DOCK9: variants seen among roughly 807,000 people sequenced by gnomAD.
DOCK9 encodes the protein dedicator of cytokinesis 9.
In DOCK9, 89 loss-of-function variants were observed where a neutral mutation model predicts 263.3. That is an observed-to-expected ratio of 0.34 (90% CI 0.28 to 0.40). The LOEUF is 0.40. Among genes scored for constraint, DOCK9 ranks in the 10% least tolerant of loss-of-function variants. DOCK9 has a pLI of 1.00. For synonymous variants in DOCK9, 976 were observed against 973.1 expected (o/e 1.00, Z -0.06); for missense variants, 2,140 against 2,603.4 (o/e 0.82, Z 3.87).
chr13:98,972,721 C>T (rs185763174), intron 1 of DOCK9, among the ~76,000 whole-genome samples: 73 of 152,332 alleles, frequency 4.8e-4, no homozygotes, highest in Admixed American at 2.3e-3. Context: ...ATCTGAAGCA[C>T]GTCCTTCCTG....
chr13:98,937,125 A>T (rs1383696959), intron 2 of DOCK9, among the ~76,000 whole-genome samples: 1 of 152,218 alleles, frequency 6.6e-6, no homozygotes, highest in African/African-American at 2.4e-5. Flanking sequence ...AAAGGTGGGC[A>T]TTCATAGCAT....
At chr13:98,969,500 A>G (rs1321632906) in intron 1 of DOCK9, among the ~76,000 whole-genome samples, 1 of 151,842 alleles carries the variant, frequency 6.6e-6, no homozygotes, top group East Asian at 1.9e-4. Flanking sequence ...TCAGACATCG[A>G]ATACAAAGAA....
intron 2 of DOCK9, among the ~76,000 whole-genome samples, chr13:98,944,305 G>C (rs531553773): frequency 1.5e-5 from 2 of 135,660 alleles, no homozygotes; most frequent in South Asian, 5.0e-4. Flanking sequence ...TGTAGTTAAT[G>C]TCAACTACCC....
At chr13:98,947,967 G>A (rs2056942194) in intron 2 of DOCK9, among the ~76,000 whole-genome samples, 1 of 152,274 alleles carries the variant, frequency 6.6e-6, no homozygotes, top group Middle Eastern at 3.4e-3. Flanking sequence ...TCAATAAAAA[G>A]CCAAAAACAA....
chr13:98,794,616 T>C lies in DOCK9; in HGVS notation c.*10A>G. On this transcript the variant is annotated 3_prime_UTR_variant, in exon 53 of 53. Coordinates refer to ENST00000682017, the MANE Select transcript of DOCK9 (RefSeq NM_001366683.2). Reference sequence around the variant, plus strand: ...AAAGCAAGTCCCCACACACGGGCCATGAGATGTAATCACACGACCGAAGAC... The same window carrying C: ...AAAGCAAGTCCCCACACACGGGCCACGAGATGTAATCACACGACCGAAGAC... 1.3e-6 allele frequency: 2 copies of C among 1,579,476 alleles called. No homozygotes were observed. The highest frequency in any genetic ancestry group is 1.7e-6 in the Non-Finnish European group (2 of 1,162,296).
Position 98,810,177 on chromosome 13 carries a change from C to T in DOCK9, c.5245G>A (p.Asp1749Asn). The T allele has an allele frequency of 6.2e-7, 1 of 1,613,946 alleles. No homozygotes were observed. The highest frequency in any genetic ancestry group is 2.2e-5 in the East Asian group (1 of 44,868). The stretch of plus-strand genomic sequence containing the variant: ...AAAAGGCACTCTCATACCTCAAAAT[C>T]CCTCCGCTTCTCATAAATGGGGATG... ...LIIPIYEKRR[D>N]FERLAHLYDT... Residue 1749 changes from aspartate to asparagine, a missense_variant, in exon 46 of 53, where the codon GAT (aspartate) becomes AAT (asparagine). Physicochemically the swap from Asp to Asn is conservative, Grantham distance 23. This residue lies in a region of DOCK9 where 619 missense variants were observed against 861.8 expected (regional missense o/e 0.72). Transcript: ENST00000682017.
At chr13:98,826,995 A>C in intron 43 of DOCK9, 108 bp from the exon 44 acceptor site, 2 of 729,374 alleles carry the variant, frequency 2.7e-6, no homozygotes, top group Non-Finnish European at 2.2e-6. Context: ...ATTAGATCTC[A>C]ATGCACCAGC....
At chr13:99,001,349 T>C (rs1882260785) in intron 1 of DOCK9, among the ~76,000 whole-genome samples, 1 of 152,220 alleles carries the variant, frequency 6.6e-6, no homozygotes, top group Non-Finnish European at 1.5e-5. Context: ...GGAAGTGCTA[T>C]GCCCATTATA....
intron 13 of DOCK9, 68 bp downstream of exon 13, chr13:98,901,710 A>C: frequency 6.5e-7 from 1 of 1,538,146 alleles, no homozygotes; most frequent in Non-Finnish European, 8.8e-7. Context: ...TTAAGGATTT[A>C]TAGTATCACA....
At position 98,855,950 on chromosome 13, in the gene DOCK9, G is replaced by A. The variant is rs377602294; in HGVS notation, c.3779C>T (p.Ser1260Leu). The change falls in exon 34 of 53, where the codon TCG becomes TTG. Residue 1260 changes from serine (S) to leucine (L), a missense_variant. Transcript: ENST00000682017. ...DSRGSLISTD[S>L]GNSLPERNSE... ...ATTCCTTTCTGGAAGGCTGTTACCC[G>A]AATCTGTGCTTATGAGAGATCCTCT... The A allele has an allele frequency of 2.0e-5, 33 of 1,613,806 alleles. No individual in the cohort carries two copies. The East Asian group carries it at 2.2e-4, about 11-fold the overall frequency.
At chr13:99,020,158 C>A (rs1357866530) in intron 1 of DOCK9, among the ~76,000 whole-genome samples, 1 of 152,138 alleles carries the variant, frequency 6.6e-6, no homozygotes, top group African/African-American at 2.4e-5. Flanking sequence ...ACTCTGCCCA[C>A]CCCATAGGTT....
chr13:98,997,776 T>C (rs1266416654), intron 1 of DOCK9, among the ~76,000 whole-genome samples: 1 of 152,254 alleles, frequency 6.6e-6, no homozygotes, highest in Non-Finnish European at 1.5e-5. Context: ...TTTGTGCATC[T>C]TTGTTATACA....
chr13:98,860,371 G>A (rs765087454), intron 33 of DOCK9, 34 bp downstream of exon 33: 2 of 1,557,072 alleles, frequency 1.3e-6, no homozygotes, highest in South Asian at 1.2e-5. Context: ...CAGAGTGATG[G>A]TGGAGAGAAG....
intron 3 of DOCK9, among the ~76,000 whole-genome samples, chr13:98,928,637 T>C (rs1246828015): frequency 6.6e-6 from 1 of 152,224 alleles, no homozygotes; most frequent in East Asian, 1.9e-4. Flanking sequence ...AGATCATAAA[T>C]ATTTTCAGCT....
At chr13:99,022,962 A>T (rs1886298193) in intron 1 of DOCK9, among the ~76,000 whole-genome samples, 1 of 152,208 alleles carries the variant, frequency 6.6e-6, no homozygotes, top group Non-Finnish European at 1.5e-5. Flanking sequence ...AAATCAATCC[A>T]TCAGGTCTTC....
At chr13:98,878,362 A>T (rs910548281) in intron 27 of DOCK9, among the ~76,000 whole-genome samples, 6 of 152,244 alleles carry the variant, frequency 3.9e-5, no homozygotes, top group African/African-American at 1.4e-4. Flanking sequence ...TTAAGTGTAC[A>T]GTTCAGTGGT....
intron 45 of DOCK9, among the ~76,000 whole-genome samples, chr13:98,814,935 CAAAATAAAATAAAATAAAATAAAAT>C (rs66599481): frequency 0.032 from 4,218 of 131,222 alleles, 88 homozygotes; most frequent in African/African-American, 0.044. Flanking sequence ...GATTCTGTCT[CAAAATAAAATAAAATAAAATAAAAT>C]AAAATAAAAT....
chr13:99,044,042 A>C (rs147571629), intron 1 of DOCK9, among the ~76,000 whole-genome samples: 2 of 152,288 alleles, frequency 1.3e-5, no homozygotes, highest in East Asian at 3.9e-4. Flanking sequence ...CCCAATTGTG[A>C]TTCTTATTTA....
chr13:98,872,645 G>A (rs765023089), intron 27 of DOCK9, among the ~76,000 whole-genome samples: 2 of 152,066 alleles, frequency 1.3e-5, no homozygotes, highest in East Asian at 1.9e-4. Flanking sequence ...GGGCTCAAGC[G>A]ATTCTCCTAC....
Sources: gnomAD v4.1 joint callset for allele counts (sites outside exome capture counted in the v4.1 genomes callset) on GRCh38, gnomAD v4.1.1 for gene constraint, gnomAD v4.1.1 regional missense constraint, MANE v1.5 for transcripts, NCBI Gene and HGNC (gene_info 2026-07-23, HGNC 2026-07-21) for gene names.